The following LAMA3 variants were observed in gnomAD, a reference collection of about 807,000 sequenced individuals.
LAMA3 encodes laminin subunit alpha 3.
Under a neutral mutation model 402.0 loss-of-function variants are expected in LAMA3, and 281 were observed. The observed-to-expected ratio is 0.70, with a 90% confidence interval of 0.63 to 0.77. LAMA3 has a LOEUF of 0.77. Among genes scored for constraint, LAMA3 ranks in the 30% least tolerant of loss-of-function variants. LAMA3 has a pLI of 0.00. For missense variants in LAMA3, 3,840 were observed against 4,215.5 expected (o/e 0.91, Z 2.47); for synonymous variants, 1,431 against 1,558.4 (o/e 0.92, Z 1.93).
chr18:23,827,863 T>A (rs1197205022), intron 23 of LAMA3, among the ~76,000 whole-genome samples: 2 of 152,186 alleles, frequency 1.3e-5, no homozygotes, highest in Non-Finnish European at 2.9e-5. Flanking sequence ...ACTCACTGAC[T>A]GTTCAACCCC....
rs368888694 is a variant in LAMA3 at position 23,842,652 on chromosome 18, C to T, written c.3505C>T (p.Arg1169Trp). Residue 1169 changes from arginine (R) to tryptophan (W), a missense_variant, in exon 29 of 75, where the codon CGG (arginine) becomes TGG (tryptophan). Physicochemically the swap from Arg to Trp is moderately radical, Grantham distance 101. Coordinates refer to ENST00000313654, the MANE Select transcript of LAMA3 (RefSeq NM_198129.4). Reference sequence around the variant, plus strand: ...TTTTTGCCCCCATGTGCTTGGCTGCCGGGATCAAGTGATTGCCGAAGGCCA... The same window carrying T: ...TTTTTGCCCCCATGTGCTTGGCTGCTGGGATCAAGTGATTGCCGAAGGCCA... ...ASFCPHVLGC[R>W]DQVIAEGQIE... The T allele has an allele frequency of 4.5e-5, 73 of 1,614,042 alleles. No individual in the cohort carries two copies. Among genetic ancestry groups the T allele is most frequent in the South Asian group, 1.1e-4 (10 of 91,078 alleles).
At chr18:23,790,911 C>G in intron 12 of LAMA3, among the ~76,000 whole-genome samples, 1 of 148,560 alleles carries the variant, frequency 6.7e-6, no homozygotes, top group African/African-American at 2.5e-5. Flanking sequence ...TTTTTTAAGA[C>G]AGAGTCTCGC....
chr18:23,759,719 C>T (rs897126206), intron 7 of LAMA3, among the ~76,000 whole-genome samples: 13 of 152,174 alleles, frequency 8.5e-5, no homozygotes, highest in Non-Finnish European at 1.8e-4. Flanking sequence ...TTTTTTGTAA[C>T]TATTAGGAGA....
chr18:23,833,903 G>A lies in LAMA3; in HGVS notation c.2899G>A (p.Ala967Thr), dbSNP rs773504036. ...TGTGGTCGAGTATTCCACGGAGGCA[G>A]CTCAGCTGTTTGTGGTTGATGTGAA... ...VVVVEYSTEA[A>T]QLFVVDVNVK... is the part of the protein sequence containing the mutation. Residue 967 changes from alanine to threonine, a missense_variant, in exon 24 of 75, where the codon GCT (alanine) becomes ACT (threonine). By Grantham distance (58) the Ala-to-Thr change is moderately conservative (BLOSUM62 0). This residue lies in a region of LAMA3 where 2,109 missense variants were observed against 2,376.0 expected (regional missense o/e 0.89). Coordinates refer to ENST00000313654, the MANE Select transcript of LAMA3 (RefSeq NM_198129.4). 6 of 1,614,166 alleles carry A rather than the reference G, an allele frequency of 3.7e-6. No homozygotes were observed. The highest frequency in any genetic ancestry group is 5.1e-6 in the Non-Finnish European group (6 of 1,180,034).
intron 12 of LAMA3, among the ~76,000 whole-genome samples, chr18:23,805,887 T>C (rs2062953237): frequency 6.6e-6 from 1 of 152,220 alleles, no homozygotes; most frequent in Non-Finnish European, 1.5e-5. Flanking sequence ...TAGTACCTAC[T>C]CTCCCCTTCA....
intron 12 of LAMA3, among the ~76,000 whole-genome samples, chr18:23,798,165 TC>T (rs1262268106): frequency 3.3e-5 from 5 of 152,068 alleles, no homozygotes; most frequent in African/African-American, 1.2e-4. Context: ...TATTCCCCTT[TC>T]CCCTCCTTTT....
chr18:23,712,905 A>T (rs1429969528), intron 1 of LAMA3, among the ~76,000 whole-genome samples: 2 of 151,800 alleles, frequency 1.3e-5, no homozygotes, highest in Non-Finnish European at 2.9e-5. Context: ...GGGAGCAGAT[A>T]GTTCAGTATG....
chr18:23,919,036 T>C (rs1296053347), intron 60 of LAMA3, among the ~76,000 whole-genome samples: 1 of 152,212 alleles, frequency 6.6e-6, no homozygotes, highest in African/African-American at 2.4e-5. Context: ...AATTTGAAGT[T>C]CTTGGAGACT....
intron 68 of LAMA3, among the ~76,000 whole-genome samples, chr18:23,940,923 C>T (rs1418925729): frequency 6.8e-6 from 1 of 146,956 alleles, no homozygotes; most frequent in Non-Finnish European, 1.5e-5. Flanking sequence ...ATGACAATGA[C>T]CTCCCTCTTT....
intron 12 of LAMA3, among the ~76,000 whole-genome samples, chr18:23,806,895 A>C (rs976924259): frequency 1.3e-5 from 2 of 152,082 alleles, no homozygotes; most frequent in Non-Finnish European, 2.9e-5. Flanking sequence ...TTTCTTTCCC[A>C]CTTTGTCCAG....
intron 36 of LAMA3, among the ~76,000 whole-genome samples, chr18:23,867,207 G>A (rs778380279): frequency 6.6e-5 from 10 of 152,104 alleles, no homozygotes; most frequent in Non-Finnish European, 1.5e-4. Context: ...AGGCTGGTTC[G>A]GTGGCCAGTA....
intron 19 of LAMA3, among the ~76,000 whole-genome samples, chr18:23,821,118 G>A (rs551235119): frequency 6.6e-6 from 1 of 152,240 alleles, no homozygotes; most frequent in East Asian, 1.9e-4. Context: ...CTTCTCACAG[G>A]TGCTTACAGT....
intron 40 of LAMA3, among the ~76,000 whole-genome samples, chr18:23,882,284 TA>T (rs1300416126): frequency 6.6e-6 from 1 of 152,204 alleles, no homozygotes; most frequent in Non-Finnish European, 1.5e-5. Context: ...ATATGTAAAT[TA>T]TATCTCAATA....
At chr18:23,867,811 C>T in intron 36 of LAMA3, 23 bp from the exon 37 acceptor site, 2 of 1,580,060 alleles carry the variant, frequency 1.3e-6, no homozygotes, top group Non-Finnish European at 8.7e-7. Context: ...GGTACTAACA[C>T]ATTCATGGTT....
intron 65 of LAMA3, among the ~76,000 whole-genome samples, 200 bp from the exon 66 acceptor site, chr18:23,931,960 C>T (rs771374519): frequency 1.3e-5 from 2 of 152,238 alleles, no homozygotes; most frequent in East Asian, 1.9e-4. Flanking sequence ...TGGCAAGATA[C>T]ACCCATTTTA....
At chr18:23,826,597 C>A in intron 21 of LAMA3, 105 bp from the exon 22 acceptor site, 1 of 868,518 alleles carries the variant, frequency 1.2e-6, no homozygotes, top group Non-Finnish European at 1.9e-6. Flanking sequence ...TAACTAGCGA[C>A]TTCACCTGGT....
At position 23,933,871 on chromosome 18, in the gene LAMA3, C is replaced by G; in HGVS notation, c.8798C>G (p.Pro2933Arg). 3.1e-6 allele frequency: 5 copies of G among 1,614,058 alleles called. No homozygotes were observed. The Admixed American group carries it at 5.0e-5, about 16-fold the overall frequency. Residue 2933 changes from proline to arginine, a missense_variant, in exon 67 of 75, where the codon CCT (proline) becomes CGT (arginine). Coordinates refer to ENST00000313654, the MANE Select transcript of LAMA3 (RefSeq NM_198129.4). Reference sequence around the variant, plus strand: ...GGAGGCTGCAGTTTAAACAAACCACCTTTTCTAATGTTGCTTAAAGGTTCT... The same window carrying G: ...GGAGGCTGCAGTTTAAACAAACCACGTTTTCTAATGTTGCTTAAAGGTTCT... ...SLGGCSLNKP[P>R]FLMLLKGSTR...
chr18:23,869,835 G>C (rs995413372), intron 37 of LAMA3, among the ~76,000 whole-genome samples: 1 of 152,196 alleles, frequency 6.6e-6, no homozygotes, highest in Non-Finnish European at 1.5e-5. Flanking sequence ...TTGGGAGGCT[G>C]AGGTGGGTGG....
chr18:23,954,203 A>G (rs1407239419), intron 74 of LAMA3, among the ~76,000 whole-genome samples: 1 of 151,920 alleles, frequency 6.6e-6, no homozygotes, highest in Non-Finnish European at 1.5e-5. Flanking sequence ...GGAGTTCAAG[A>G]CCAGCCTGGG....
Sources: allele counts gnomAD v4.1 joint callset (sites outside exome capture counted in the v4.1 genomes callset), GRCh38; gene constraint gnomAD v4.1.1; regional missense constraint gnomAD v4.1.1; transcripts MANE v1.5; gene names NCBI Gene and HGNC (gene_info 2026-07-23, HGNC 2026-07-21).